USP54: variants seen among roughly 807,000 people sequenced by gnomAD.
The protein encoded by USP54 is ubiquitin specific peptidase 54.
USP54 carries 87 observed loss-of-function variants against 170.5 expected under a neutral mutation model. The ratio of observed to expected loss-of-function variants is 0.51; its 90% confidence interval spans 0.43 to 0.61. The LOEUF (loss-of-function observed/expected upper bound fraction) is 0.61. USP54 is among the 20% of genes least tolerant of loss of function. USP54 has a pLI of 0.00. For missense variants in USP54, 1,786 were observed against 2,047.8 expected (o/e 0.87, Z 2.47); for synonymous variants, 655 against 742.8 (o/e 0.88, Z 1.92).
intron 4 of USP54, among the ~76,000 whole-genome samples, chr10:73,569,902 CAAAAAAAAAAAAAAAAAAAAAAAA>C (rs34676499): frequency 8.6e-4 from 16 of 18,706 alleles, no homozygotes; most frequent in East Asian, 4.9e-3. Flanking sequence ...ATTTCATCTC[CAAAAAAAAAAAAAAAAAAAAAAAA>C]AAAAAAAAAA....
intron 20 of USP54, among the ~76,000 whole-genome samples, chr10:73,507,628 C>T (rs7093203): frequency 0.045 from 6,259 of 140,288 alleles, 417 homozygotes; most frequent in African/African-American, 0.15. Context: ...GAGTCAACAT[C>T]ACGCCACTGA....
chr10:73,600,483 C>T (rs1424043215), intron 1 of USP54, among the ~76,000 whole-genome samples: 4 of 152,080 alleles, frequency 2.6e-5, no homozygotes, highest in South Asian at 2.1e-4. Context: ...GTAAATGGTA[C>T]ATCAGGTCAA....
chr10:73,582,977 T>A (rs1480118589), intron 1 of USP54, among the ~76,000 whole-genome samples: 1 of 152,192 alleles, frequency 6.6e-6, no homozygotes, highest in African/African-American at 2.4e-5. Context: ...TATGATGCAC[T>A]GAAAAGGACA....
chr10:73,612,836 T>C (rs1446392556), intron 1 of USP54, among the ~76,000 whole-genome samples: 2 of 119,674 alleles, frequency 1.7e-5, no homozygotes, highest in African/African-American at 3.3e-5. Flanking sequence ...TGAGACATTG[T>C]CTCAAAAAAA....
chr10:73,548,224 G>A (rs2068314627), intron 4 of USP54, among the ~76,000 whole-genome samples: 1 of 152,106 alleles, frequency 6.6e-6, no homozygotes, highest in Non-Finnish European at 1.5e-5. Context: ...TAAAAAGTCA[G>A]GAAACAACAG....
In USP54 at chr10:73,541,688, A is replaced by G. The variant is rs1303597246; in HGVS notation, c.623T>C (p.Met208Thr). ...GGCATTCTGCAGCAGCTCACCAAACATGCTTGGTGAAGGTTTCTCTCGTCT... is the reference window on the plus strand; with the variant it reads ...GGCATTCTGCAGCAGCTCACCAAACGTGCTTGGTGAAGGTTTCTCTCGTCT... The part of the protein sequence containing the change: ...LERREKPSPS[M>T]FGELLQNAST... Residue 208 changes from methionine (M) to threonine (T), a missense_variant, in exon 8 of 24, where the codon ATG (methionine) becomes ACG (threonine). Physicochemically the swap from Met to Thr is moderately conservative, Grantham distance 81. Around this residue, in one of 3 missense-constraint regions of USP54, gnomAD observed 361 missense variants for 455.0 expected, o/e 0.79. Coordinates refer to ENST00000687698, the MANE Select transcript of USP54 (RefSeq NM_001391956.1). 3.1e-6 allele frequency: 5 copies of G among 1,613,940 alleles called. No individual in the cohort carries two copies. The highest frequency in any genetic ancestry group is 1.3e-5 in the African/African-American group (1 of 74,898).
chr10:73,602,031 C>A (rs7097343), intron 1 of USP54, among the ~76,000 whole-genome samples: 25,221 of 152,134 alleles, frequency 0.17, 3,477 homozygotes, highest in African/African-American at 0.36. Flanking sequence ...TCTGAACCAA[C>A]AATGTAGCAC....
chr10:73,518,474 G>A (rs1224122880), intron 19 of USP54, among the ~76,000 whole-genome samples: 1 of 151,956 alleles, frequency 6.6e-6, no homozygotes, highest in Admixed American at 6.6e-5. Flanking sequence ...ATAAAGCCTC[G>A]ATCACTCACA....
intron 6 of USP54, 25 bp from the exon 7 acceptor site, chr10:73,542,910 AC>A: frequency 6.2e-7 from 1 of 1,613,808 alleles, no homozygotes. Context: ...AAAAGGCAAA[AC>A]CAAGCAACCA....
intron 14 of USP54, 102 bp from the exon 15 acceptor site, chr10:73,530,013 C>T: frequency 6.7e-7 from 1 of 1,491,020 alleles, no homozygotes; most frequent in Non-Finnish European, 9.0e-7. Context: ...ATTCACTGAA[C>T]TCATATCCCT....
At chr10:73,581,943 T>C (rs1318041885) in intron 1 of USP54, among the ~76,000 whole-genome samples, 1 of 152,236 alleles carries the variant, frequency 6.6e-6, no homozygotes, top group African/African-American at 2.4e-5. Context: ...ACACTTTCTC[T>C]GTATTAGTGA....
intron 1 of USP54, among the ~76,000 whole-genome samples, chr10:73,590,189 C>T (rs1316754905): frequency 6.6e-6 from 1 of 152,126 alleles, no homozygotes; most frequent in Non-Finnish European, 1.5e-5. Flanking sequence ...TATGTATAGC[C>T]GCTTTGTAGA....
At chr10:73,612,591 C>T (rs914848371) in intron 1 of USP54, among the ~76,000 whole-genome samples, 8 of 151,986 alleles carry the variant, frequency 5.3e-5, no homozygotes, top group African/African-American at 1.9e-4. Context: ...GCTGTAATCC[C>T]AGCACTTAGG....
upstream of USP54, among the ~76,000 whole-genome samples, chr10:73,595,837 C>T (rs147784967): frequency 0.039 from 5,871 of 152,202 alleles, 351 homozygotes; most frequent in African/African-American, 0.13. Context: ...CAGCCGGGCG[C>T]GGTGGCTCAC....
intron 20 of USP54, among the ~76,000 whole-genome samples, chr10:73,510,574 A>G (rs533616004): frequency 1.5e-4 from 23 of 150,010 alleles, no homozygotes; most frequent in Non-Finnish European, 2.8e-4. Context: ...CCTCCTGAGT[A>G]GCTAGGTTTA....
chr10:73,537,198 T>TTAAAACATA (rs1451828691), intron 10 of USP54, among the ~76,000 whole-genome samples: 4 of 152,334 alleles, frequency 2.6e-5, no homozygotes, highest in African/African-American at 9.6e-5. Flanking sequence ...GAGTTATTAA[T>TTAAAACATA]TAAAACATTT....
chr10:73,556,882 C>A (rs1003042688), intron 4 of USP54, among the ~76,000 whole-genome samples: 10 of 152,154 alleles, frequency 6.6e-5, no homozygotes, highest in African/African-American at 2.4e-4. Flanking sequence ...TTCCTCCCCA[C>A]CCACCCTCTA....
At chr10:73,571,577 G>C (rs373148996) in intron 3 of USP54, 64 bp from the exon 4 acceptor site, 2 of 1,350,532 alleles carry the variant, frequency 1.5e-6, no homozygotes, top group South Asian at 1.2e-5. Context: ...TTAAAGTAAA[G>C]AGTTCAAACA....
chr10:73,564,087 G>A (rs1002989250), intron 4 of USP54, among the ~76,000 whole-genome samples: 1 of 151,144 alleles, frequency 6.6e-6, no homozygotes, highest in Non-Finnish European at 1.5e-5. Flanking sequence ...CTGCAGCCTC[G>A]ACCTCCTGGG....
Sources: allele counts gnomAD v4.1 joint callset (sites outside exome capture counted in the v4.1 genomes callset), GRCh38; gene constraint gnomAD v4.1.1; regional missense constraint gnomAD v4.1.1; transcripts MANE v1.5; gene names NCBI Gene and HGNC (gene_info 2026-07-23, HGNC 2026-07-21).